NR3C2: variants seen among roughly 807,000 people sequenced by gnomAD.
The protein encoded by NR3C2 is nuclear receptor subfamily 3 group C member 2.
Under a neutral mutation model 86.4 loss-of-function variants are expected in NR3C2, and 15 were observed. That is an observed-to-expected ratio of 0.17 (90% confidence interval 0.12 to 0.27). The LOEUF is 0.27. NR3C2 is among the 10% of genes least tolerant of loss of function. The pLI is 1.00. For synonymous variants in NR3C2, 458 were observed against 450.5 expected (o/e 1.02, Z -0.21); for missense variants, 960 against 1,195.6 (o/e 0.80, Z 2.91).
chr4:148,241,632 C>T (rs952879271), intron 3 of NR3C2, among the ~76,000 whole-genome samples: 4 of 152,102 alleles, frequency 2.6e-5, no homozygotes, highest in East Asian at 3.9e-4. Context: ...ACTTTACCTG[C>T]GCCATCGGAT....
intron 8 of NR3C2, among the ~76,000 whole-genome samples, chr4:148,110,115 C>T (rs937499903): frequency 2.0e-5 from 3 of 152,218 alleles, no homozygotes; most frequent in Admixed American, 6.5e-5. Context: ...CTCCTAGTAT[C>T]CTTACCACAG....
intron 4 of NR3C2, among the ~76,000 whole-genome samples, chr4:148,168,880 T>C (rs543731446): frequency 1.1e-4 from 16 of 152,286 alleles, no homozygotes; most frequent in African/African-American, 3.4e-4. Flanking sequence ...CCTATGTTTG[T>C]AATGTGCCTA....
chr4:148,284,869 T>C (rs1356717426), intron 2 of NR3C2, among the ~76,000 whole-genome samples: 1 of 152,196 alleles, frequency 6.6e-6, no homozygotes, highest in Admixed American at 6.5e-5. Context: ...TTTTACTCAG[T>C]CCTACAAAAA....
At chr4:148,223,838 G>A (rs1223979918) in intron 3 of NR3C2, among the ~76,000 whole-genome samples, 1 of 152,158 alleles carries the variant, frequency 6.6e-6, no homozygotes, top group Non-Finnish European at 1.5e-5. Flanking sequence ...TGATGTGAAA[G>A]TTGGGAAGAA....
At chr4:148,096,532 G>T (rs1210172466) in intron 8 of NR3C2, among the ~76,000 whole-genome samples, 2 of 152,194 alleles carry the variant, frequency 1.3e-5, no homozygotes, top group Admixed American at 6.5e-5. Flanking sequence ...GAACAGGTGA[G>T]ATCAAGGTGT....
chr4:148,136,262 A>G (rs532144675), intron 6 of NR3C2, among the ~76,000 whole-genome samples: 1 of 151,918 alleles, frequency 6.6e-6, no homozygotes, highest in South Asian at 2.1e-4. Context: ...ACATGAGATA[A>G]GGAAGGGCTA....
At chr4:148,178,889 T>C (rs1423000262) in intron 4 of NR3C2, among the ~76,000 whole-genome samples, 3 of 141,518 alleles carry the variant, frequency 2.1e-5, no homozygotes, top group Non-Finnish European at 3.0e-5. Context: ...AGCAACATGT[T>C]AGGACAAAGA....
chr4:148,109,856 G>T (rs994819325), intron 8 of NR3C2, among the ~76,000 whole-genome samples: 5 of 151,780 alleles, frequency 3.3e-5, no homozygotes, highest in Non-Finnish European at 5.9e-5. Flanking sequence ...GCATCAAGAG[G>T]TACTATTAAT....
intron 3 of NR3C2, among the ~76,000 whole-genome samples, chr4:148,254,477 C>T (rs1019690144): frequency 6.6e-6 from 1 of 152,204 alleles, no homozygotes; most frequent in Non-Finnish European, 1.5e-5. Flanking sequence ...GAAACCTTCC[C>T]TGACCTTTCA....
rs1301172309 is a variant in NR3C2, at chr4:148,129,434, C to T, written c.2511-9146G>A. Among the ~76,000 whole-genome samples, 8 of 152,120 alleles carry T rather than the reference C, an allele frequency of 5.3e-5. No homozygotes were observed. The South Asian group carries it at 1.7e-3, about 32-fold the overall frequency. ...TTGCAAGATGAAAAAGTTCTGGAGA[C>T]TGGTTGCACAACAATGTAATACTAC... On this transcript the variant is annotated intron_variant, in intron 6 of 8. Coordinates refer to ENST00000358102, the MANE Select transcript of NR3C2 (RefSeq NM_000901.5).
At chr4:148,276,260 C>T (rs1475490986) in intron 2 of NR3C2, among the ~76,000 whole-genome samples, 1 of 152,110 alleles carries the variant, frequency 6.6e-6, no homozygotes, top group Non-Finnish European at 1.5e-5. Context: ...CTATTAAATA[C>T]TAGAATTCTG....
intron 4 of NR3C2, among the ~76,000 whole-genome samples, chr4:148,163,548 C>A (rs761128063): frequency 6.6e-6 from 1 of 152,116 alleles, no homozygotes; most frequent in East Asian, 1.9e-4. Flanking sequence ...TGGGAAAAAA[C>A]CAAACACCTA....
intron 3 of NR3C2, among the ~76,000 whole-genome samples, chr4:148,244,016 C>A (rs1045275299): frequency 3.3e-5 from 5 of 152,184 alleles, no homozygotes; most frequent in African/African-American, 9.6e-5. Context: ...GAGTTTATAT[C>A]ACAGTAAATT....
intron 4 of NR3C2, among the ~76,000 whole-genome samples, chr4:148,165,353 G>A (rs1035049202): frequency 6.6e-6 from 1 of 151,862 alleles, no homozygotes. Context: ...TTTTTTTTAT[G>A]ATTAGTGTAA....
At chr4:148,133,983 A>G (rs1230400414) in intron 6 of NR3C2, among the ~76,000 whole-genome samples, 1 of 152,234 alleles carries the variant, frequency 6.6e-6, no homozygotes, top group African/African-American at 2.4e-5. Flanking sequence ...AGACTCTGTT[A>G]TCATAGACAC....
chr4:148,440,420 T>C (rs2126668072), intron 1 of NR3C2, among the ~76,000 whole-genome samples: 1 of 152,364 alleles, frequency 6.6e-6, no homozygotes, highest in African/African-American at 2.4e-5. Context: ...TCGATGAATA[T>C]GATCCTCATA....
At chr4:148,090,164 G>A (rs1198993280) in intron 8 of NR3C2, among the ~76,000 whole-genome samples, 1 of 152,226 alleles carries the variant, frequency 6.6e-6, no homozygotes, top group Non-Finnish European at 1.5e-5. Context: ...TCTGTGCCAG[G>A]CACTGGGGAA....
chr4:148,411,461 G>A (rs1008988564), intron 2 of NR3C2, among the ~76,000 whole-genome samples: 1 of 152,110 alleles, frequency 6.6e-6, no homozygotes, highest in Non-Finnish European at 1.5e-5. Context: ...TCCCTCTCCA[G>A]GGTCAAGCAC....
chr4:148,087,298 TATC>T (rs1169560630), intron 8 of NR3C2, among the ~76,000 whole-genome samples: 2 of 152,208 alleles, frequency 1.3e-5, no homozygotes, highest in African/African-American at 4.8e-5. Context: ...GAAGAACAAA[TATC>T]ATGAAAATGG....
Sources: allele counts gnomAD v4.1 joint callset (sites outside exome capture counted in the v4.1 genomes callset), GRCh38; gene constraint gnomAD v4.1.1; transcripts MANE v1.5; gene names NCBI Gene and HGNC (gene_info 2026-07-23, HGNC 2026-07-21).